CUBN: variants seen among roughly 807,000 people sequenced by gnomAD.
The protein encoded by CUBN is cubilin.
A neutral mutation model predicts 405.3 loss-of-function variants in CUBN; 282 were observed. That is an observed-to-expected ratio of 0.70 (90% CI 0.63 to 0.77). CUBN has a LOEUF of 0.77. Ranked by LOEUF, CUBN falls within the 30% of genes least tolerant of loss-of-function variation. The pLI, the probability that CUBN is intolerant of heterozygous loss-of-function variation, is 0.00. For synonymous variants in CUBN, 1,684 were observed against 1,617.0 expected (o/e 1.04, Z -0.99); for missense variants, 4,514 against 4,475.2 (o/e 1.01, Z -0.25).
chr10:16,855,765 C>T (rs144252459), intron 59 of CUBN, among the ~76,000 whole-genome samples: 119 of 152,198 alleles, frequency 7.8e-4, no homozygotes, highest in African/African-American at 2.8e-3. Context: ...AAAATATACA[C>T]ACAGAATAAA....
intron 17 of CUBN, among the ~76,000 whole-genome samples, chr10:17,082,099 G>A (rs1835986406): frequency 6.6e-6 from 1 of 152,082 alleles, no homozygotes; most frequent in Non-Finnish European, 1.5e-5. Context: ...ATAAATTCAA[G>A]GCTAGAGTTA....
intron 16 of CUBN, 99 bp downstream of exon 16, chr10:17,085,498 A>C: frequency 1.7e-6 from 2 of 1,204,404 alleles, no homozygotes; most frequent in Non-Finnish European, 2.5e-6. Context: ...GGTCTAAGAC[A>C]GTCAGTCATC....
chr10:16,961,709 T>C (rs1339545661), intron 31 of CUBN, among the ~76,000 whole-genome samples: 4 of 103,110 alleles, frequency 3.9e-5, no homozygotes, highest in Non-Finnish European at 7.0e-5. Flanking sequence ...AATCCCTTTT[T>C]TTTTTTTTTT....
chr10:16,956,797 T>A (rs1394648982), intron 31 of CUBN, among the ~76,000 whole-genome samples: 1 of 152,194 alleles, frequency 6.6e-6, no homozygotes. Context: ...TATTCATTTA[T>A]TTGTTTAGAA....
At chr10:17,049,963 A>G (rs778625885) in intron 22 of CUBN, among the ~76,000 whole-genome samples, 1 of 152,204 alleles carries the variant, frequency 6.6e-6, no homozygotes, top group Non-Finnish European at 1.5e-5. Flanking sequence ...TCACTGTAGT[A>G]CCTGGCCCAG....
intron 19 of CUBN, among the ~76,000 whole-genome samples, chr10:17,071,192 A>C (rs565820240): frequency 2.0e-5 from 3 of 152,112 alleles, no homozygotes; most frequent in Admixed American, 1.3e-4. Context: ...CTGGGGTTTT[A>C]TATCAACCTA....
At chr10:17,052,160 G>A (rs1489621274) in intron 22 of CUBN, among the ~76,000 whole-genome samples, 2 of 152,268 alleles carry the variant, frequency 1.3e-5, no homozygotes, top group Non-Finnish European at 2.9e-5. Context: ...AAAATGTTGA[G>A]ATGGGGAAAA....
At chr10:17,018,368 C>G (rs78408122) in intron 28 of CUBN, among the ~76,000 whole-genome samples, 1 of 152,054 alleles carries the variant, frequency 6.6e-6, no homozygotes, top group African/African-American at 2.4e-5. Context: ...AGCTGCGGAC[C>G]CTCGTGGTGA....
chr10:17,076,319 G>A (rs894302067), intron 17 of CUBN, among the ~76,000 whole-genome samples: 1 of 151,980 alleles, frequency 6.6e-6, no homozygotes, highest in African/African-American at 2.4e-5. Flanking sequence ...AATTCTGAAA[G>A]CCTGTATTCT....
intron 28 of CUBN, among the ~76,000 whole-genome samples, chr10:16,998,910 G>A (rs1833805651): frequency 6.6e-6 from 1 of 152,204 alleles, no homozygotes; most frequent in Non-Finnish European, 1.5e-5. Flanking sequence ...GAGAGTCAAT[G>A]AACGTTTAGA....
At chr10:16,898,066 G>GTATATATATATATATATATATATATATA (rs10551726) in intron 54 of CUBN, among the ~76,000 whole-genome samples, 11 of 145,032 alleles carry the variant, frequency 7.6e-5, no homozygotes, top group African/African-American at 2.8e-4. Context: ...TTTATTATAT[G>GTATATATATATATATATATATATATATA]TATATATATA....
chr10:17,021,889 G>T (rs921740696), intron 27 of CUBN, among the ~76,000 whole-genome samples: 2 of 152,072 alleles, frequency 1.3e-5, no homozygotes, highest in Non-Finnish European at 2.9e-5. Context: ...ATTGTGAGTC[G>T]CCTTAAAGCA....
rs1842176509 is a variant in CUBN, at chr10:16,925,925, G to A, written c.6272-151C>T. On this transcript the variant is annotated intron_variant, in intron 41 of 66. Coordinates refer to ENST00000377833, the MANE Select transcript of CUBN (RefSeq NM_001081.4). ...GTGCAGGAAATGATTATCATAACAA[G>A]CATGTATTGAGCACATGCTATTGGC... The A allele has an allele frequency of 5.4e-6, 4 of 734,002 alleles. No individual in the cohort carries two copies. In the East Asian group the frequency reaches 1.1e-4, roughly 20 times the overall value. 45.5% of individuals were successfully genotyped at this position (734,002 alleles called of 1,614,324 possible). A position where few individuals can be genotyped will look rare whatever the true frequency, so the allele number is the denominator to read the frequency against.
intron 35 of CUBN, among the ~76,000 whole-genome samples, chr10:16,948,202 C>T (rs956980574): frequency 5.9e-5 from 9 of 152,162 alleles, no homozygotes; most frequent in African/African-American, 2.2e-4. Flanking sequence ...AAGTGAGACT[C>T]CATCTCAAAA....
At chr10:17,073,960 T>C (rs1384218630) in intron 17 of CUBN, among the ~76,000 whole-genome samples, 2 of 152,320 alleles carry the variant, frequency 1.3e-5, no homozygotes, top group African/African-American at 4.8e-5. Context: ...AGGATAGCTG[T>C]TGTTATTCTG....
intron 28 of CUBN, among the ~76,000 whole-genome samples, chr10:17,015,838 A>C (rs1278044433): frequency 6.6e-6 from 1 of 152,198 alleles, no homozygotes; most frequent in Non-Finnish European, 1.5e-5. Context: ...CACACTGATA[A>C]CAAGCCCTCC....
At chr10:16,844,269 C>CAAAAA (rs374730071) in intron 60 of CUBN, among the ~76,000 whole-genome samples, 1 of 132,298 alleles carries the variant, frequency 7.6e-6, no homozygotes. Flanking sequence ...AACTCTGTCC[C>CAAAAA]CAAAAAAAAA....
intron 59 of CUBN, among the ~76,000 whole-genome samples, chr10:16,862,851 C>T (rs955590075): frequency 2.0e-5 from 3 of 152,190 alleles, no homozygotes; most frequent in Admixed American, 6.5e-5. Context: ...CTTCCCAGCA[C>T]CTGTTCCCTT....
intron 27 of CUBN, among the ~76,000 whole-genome samples, chr10:17,023,093 A>G (rs918089975): frequency 1.3e-5 from 2 of 150,296 alleles, no homozygotes; most frequent in Admixed American, 1.3e-4. Flanking sequence ...TGACTTAAAG[A>G]GATTTCTTTT....
Sources: gnomAD v4.1 joint callset for allele counts (sites outside exome capture counted in the v4.1 genomes callset) on GRCh38, gnomAD v4.1.1 for gene constraint, MANE v1.5 for transcripts, NCBI Gene and HGNC (gene_info 2026-07-23, HGNC 2026-07-21) for gene names.